Variants in ATG2A observed in about 807,000 individuals in gnomAD.
ATG2A encodes autophagy-related protein 2 homolog A.
A neutral mutation model predicts 214.2 loss-of-function variants in ATG2A; 103 were observed. That is an observed-to-expected ratio of 0.48 (90% CI 0.41 to 0.57). The LOEUF (loss-of-function observed/expected upper bound fraction) is 0.57. ATG2A is among the 20% of genes least tolerant of loss of function. The pLI is 0.00. For missense variants in ATG2A, 2,312 were observed against 2,613.2 expected (o/e 0.88, Z 2.51); for synonymous variants, 1,160 against 1,142.1 (o/e 1.02, Z -0.32).
At position 64,913,461 on chromosome 11, in the gene ATG2A, A is replaced by G; in HGVS notation, c.591-60T>C. 6.7e-7 allele frequency: 1 copy of G among 1,496,768 alleles called. No homozygotes were observed. The highest frequency in any genetic ancestry group is 1.4e-5 in the African/African-American group (1 of 72,168). 92.7% of individuals were successfully genotyped at this position (1,496,768 alleles called of 1,614,324 possible). A position where few individuals can be genotyped will look rare whatever the true frequency, so the allele number is the denominator to read the frequency against. Reference sequence around the variant, plus strand: ...CCCCAGGCCTGGAGCCCCTCTCTCCACACAGTGCTCTGCTCTAGGGGCACG... The same window carrying G: ...CCCCAGGCCTGGAGCCCCTCTCTCCGCACAGTGCTCTGCTCTAGGGGCACG... On this transcript the variant is annotated intron_variant, in intron 4 of 40. Transcript: ENST00000377264. This position sits in a 1 kb window ranked among gnomAD's most constrained non-coding sequence, Gnocchi z 4.3.
At chr11:64,916,875 T>C in intron 1 of ATG2A, 90 bp downstream of exon 1, 1 of 1,544,774 alleles carries the variant, frequency 6.5e-7, no homozygotes. Flanking sequence ...GCCCGGTGCC[T>C]GATCCCCCAG....
chr11:64,905,471 C>T lies in ATG2A; in HGVS notation c.3464+92G>A. On this transcript the variant is annotated intron_variant, in intron 24 of 40. Transcript: ENST00000377264. ...AGAATGAGACTATCACCCGGGTGTA[C>T]ATTAAGACCGAGAGCACCAGAGGAC... 8 of 1,311,348 alleles carry T rather than the reference C, an allele frequency of 6.1e-6. No homozygotes were observed. In the South Asian group the frequency reaches 1.0e-4, roughly 17 times the overall value. 81.2% of individuals were successfully genotyped at this position (1,311,348 alleles called of 1,614,324 possible). A position where few individuals can be genotyped will look rare whatever the true frequency, so the allele number is the denominator to read the frequency against.
rs201816058 is a variant in ATG2A at position 64,897,822 on chromosome 11, G to A, written c.4994+17C>T. 31 of 1,612,504 alleles carry A rather than the reference G, an allele frequency of 1.9e-5. 1 individual carries two copies. Among genetic ancestry groups the A allele is most frequent in the African/African-American group, 1.1e-4 (8 of 75,056 alleles). Reference sequence around the variant, plus strand: ...CAATCTGGCCCAGGGCCCCCCACCCGCAGTCCAGCAGCCTACCTGAAGTAG... The same window carrying A: ...CAATCTGGCCCAGGGCCCCCCACCCACAGTCCAGCAGCCTACCTGAAGTAG... On this transcript the variant is annotated intron_variant, in intron 35 of 40. Transcript: ENST00000377264.
At position 64,913,811 on chromosome 11, in the gene ATG2A, C is replaced by T. The variant is rs1228145427; in HGVS notation, c.590+10G>A. 1.2e-6 allele frequency: 2 copies of T among 1,612,086 alleles called. No individual in the cohort carries two copies. Among genetic ancestry groups the T allele is most frequent in the Non-Finnish European group, 1.7e-6 (2 of 1,179,782 alleles). On this transcript the variant is annotated intron_variant, in intron 4 of 40. Transcript: ENST00000377264. This position sits in a 1 kb window ranked among gnomAD's most constrained non-coding sequence, Gnocchi z 4.3. ...TCACACCAGTCCACCCCAGATCGGCCTGCCCTTACCTCTGCACACGGACCT... is the reference window on the plus strand; with the variant it reads ...TCACACCAGTCCACCCCAGATCGGCTTGCCCTTACCTCTGCACACGGACCT...
In ATG2A at chr11:64,895,531, C is replaced by T. The variant is rs750676643; in HGVS notation, c.5428-89G>A. On this transcript the variant is annotated intron_variant, in intron 39 of 40. Coordinates refer to ENST00000377264, the MANE Select transcript of ATG2A (RefSeq NM_015104.3). This position sits in a 1 kb window ranked among gnomAD's most constrained non-coding sequence, Gnocchi z 5.0. ...CAGGACAGTCTGAGACCCCACCAGC[C>T]CTCAGCCTCCCTGCCTGTCACTGTG... 650 of 1,373,852 alleles carry T rather than the reference C, an allele frequency of 4.7e-4. 1 individual carries two copies. Among genetic ancestry groups the T allele is most frequent in the Admixed American group, 1.3e-3 (48 of 35,690 alleles). The allele number at this position is 1,373,852 out of a possible 1,614,324, so 85.1% of individuals were successfully genotyped here. A position where few individuals can be genotyped will look rare whatever the true frequency, so the allele number is the denominator to read the frequency against.
chr11:64,896,986 C>A, intron 37 of ATG2A, 117 bp from the exon 38 acceptor site: 1 of 1,403,294 alleles, frequency 7.1e-7, no homozygotes, highest in South Asian at 1.4e-5. Flanking sequence ...TCTACCCTCC[C>A]TGTGGTCCCA....
chr11:64,908,527 C>T (rs764408602), intron 16 of ATG2A, among the ~76,000 whole-genome samples: 1 of 151,366 alleles, frequency 6.6e-6, no homozygotes, highest in Non-Finnish European at 1.5e-5. Flanking sequence ...ACTCCAGCCT[C>T]GGCGACACAG....
rs764367652 is a variant in ATG2A at position 64,900,968 on chromosome 11, G to A, written c.4244C>T (p.Pro1415Leu). The change falls in exon 30 of 41, where the codon CCC becomes CTC. Residue 1415 changes from proline to leucine, a missense_variant. Pro to Leu is a moderately conservative substitution (Grantham distance 98). Coordinates refer to ENST00000377264, the MANE Select transcript of ATG2A (RefSeq NM_015104.3). ...CTCACGTAGCACCACCCGAGTGCTG[G>A]GCACTGGGAAATGGGCAGGTGCCCG... is the stretch of plus-strand genomic sequence containing the variant. ...LLRAPAHFPV[P>L]STRVVLREVS... The A allele has an allele frequency of 1.3e-6, 2 of 1,585,786 alleles. No homozygotes were observed. The highest frequency in any genetic ancestry group is 1.8e-5 in the Admixed American group (1 of 56,568).
chr11:64,906,791 C>T lies in ATG2A; in HGVS notation c.2857G>A (p.Ala953Thr). 1 of 1,613,274 alleles carries T rather than the reference C, an allele frequency of 6.2e-7. No individual in the cohort carries two copies. The highest frequency in any genetic ancestry group is 8.5e-7 in the Non-Finnish European group (1 of 1,179,914). The change falls in exon 20 of 41, where the codon GCT becomes ACT. Residue 953 changes from alanine to threonine, a missense_variant. Coordinates refer to ENST00000377264, the MANE Select transcript of ATG2A (RefSeq NM_015104.3). Reference protein sequence around the residue: ...TKDEGGKRLEAVHGELVLDME... With the variant: ...TKDEGGKRLETVHGELVLDME... ...TCCAGCACCAGCTCCCCGTGCACAG[C>T]CTCCAGCCGCTTCCCACCCTCATCC...
At position 64,903,348 on chromosome 11, in the gene ATG2A, C is replaced by G. The variant is rs1205554144; in HGVS notation, c.3552G>C (p.Leu1184Phe). 1 of 1,614,136 alleles carries G rather than the reference C, an allele frequency of 6.2e-7. No homozygotes were observed. Residue 1184 changes from leucine to phenylalanine, a missense_variant, in exon 26 of 41, where the codon TTG (leucine) becomes TTC (phenylalanine). Transcript: ENST00000377264. This position sits in a 1 kb window ranked among gnomAD's most constrained non-coding sequence, Gnocchi z 4.2. ...LDLRRDYVCVLDVDLLELVIK... is the reference protein window; with the variant it reads ...LDLRRDYVCVFDVDLLELVIK... ...TCACAAGTTCCAAGAGGTCAACATCCAAAACACAGACATAATCTGCAGCAG... is the reference window on the plus strand; with the variant it reads ...TCACAAGTTCCAAGAGGTCAACATCGAAAACACAGACATAATCTGCAGCAG...
chr11:64,906,059 A>G, intron 22 of ATG2A, 54 bp downstream of exon 22: 1 of 1,535,206 alleles, frequency 6.5e-7, no homozygotes, highest in Non-Finnish European at 8.8e-7. Context: ...CTGCTTGCCC[A>G]AAACAGAAGT....
In ATG2A at chr11:64,907,453, C is replaced by T. The variant is rs770947890; in HGVS notation, c.2648-14G>A. ...CAAAGCAGTTGGCTGGGAAGGAGAC[C>T]GCGAAGGGCTAGCCTGGCCCTTCCC... On this transcript the variant is annotated splice_polypyrimidine_tract_variant and intron_variant, in intron 18 of 40. Coordinates refer to ENST00000377264, the MANE Select transcript of ATG2A (RefSeq NM_015104.3). 2.6e-5 allele frequency: 42 copies of T among 1,603,928 alleles called. No individual in the cohort carries two copies. Among genetic ancestry groups the T allele is most frequent in the Admixed American group, 6.8e-5 (4 of 58,584 alleles).
In ATG2A at chr11:64,902,324, C is replaced by A; in HGVS notation, c.3840G>T (p.Gln1280His). 1 of 1,610,730 alleles carries A rather than the reference C, an allele frequency of 6.2e-7. No homozygotes were observed. The highest frequency in any genetic ancestry group is 2.2e-5 in the East Asian group (1 of 44,814). The change falls in exon 28 of 41, where the codon CAG (glutamine) becomes CAT (histidine). Residue 1280 changes from glutamine to histidine, a missense_variant. Coordinates refer to ENST00000377264, the MANE Select transcript of ATG2A (RefSeq NM_015104.3). ...CPPVETALIN[Q>H]RDLADALLDT... ...CCAGGAGGGCGTCGGCCAGGTCACG[C>A]TGGTTGATGAGGGCCGTCTCCACTG...
In ATG2A at chr11:64,894,597, C is replaced by T. The variant is rs1460728571; in HGVS notation, c.*376G>A. The T allele has an allele frequency of 3.9e-6, 2 of 509,516 alleles. No homozygotes were observed. The highest frequency in any genetic ancestry group is 1.5e-5 in the South Asian group (1 of 65,030). The allele number at this position is 509,516 out of a possible 1,614,324, so 31.6% of individuals were successfully genotyped here. On this transcript the variant is annotated 3_prime_UTR_variant, in exon 41 of 41. Transcript: ENST00000377264. Reference sequence around the variant, plus strand: ...ATGCAGACACTGACCCACGCACTCACGGAGCTTAAAAATAATACATCGAAC... The same window carrying T: ...ATGCAGACACTGACCCACGCACTCATGGAGCTTAAAAATAATACATCGAAC...
At chr11:64,908,876 GC>G in intron 16 of ATG2A, 114 bp downstream of exon 16, 1 of 1,211,314 alleles carries the variant, frequency 8.3e-7, no homozygotes, top group Non-Finnish European at 1.1e-6. Context: ...GTCAGCTCAT[GC>G]CCACCCCAGG....
In ATG2A at chr11:64,905,804, G is replaced by A. The variant is rs767983263; in HGVS notation, c.3309C>T (p.Tyr1103=). The change falls in exon 23 of 41, where the codon TAC becomes TAT. Residue 1103 remains tyrosine, a synonymous_variant. Coordinates refer to ENST00000377264, the MANE Select transcript of ATG2A (RefSeq NM_015104.3). ...LDVLDDPVLG[Y]LPPTVITILH... is the part of the protein sequence containing the mutation. The stretch of plus-strand genomic sequence containing the variant: ...GGATGGTGATGACCGTCGGGGGCAG[G>A]TAGCCCAGCACAGGGTCATCCAGCA... 6.8e-6 allele frequency: 11 copies of A among 1,613,772 alleles called. No homozygotes were observed. The highest frequency in any genetic ancestry group is 8.5e-6 in the Non-Finnish European group (10 of 1,180,012).
At position 64,895,100 on chromosome 11, in the gene ATG2A, A is replaced by T; in HGVS notation, c.5690T>A (p.Val1897Glu). ...GGVIRQLPPT[V>E]VKPLILATEA... The stretch of plus-strand genomic sequence containing the variant: ...CGTGGCCAGGATGAGCGGCTTCACC[A>T]CAGTCGGGGGCAGCTGGCGGATCAC... Residue 1897 changes from valine (V) to glutamate (E), a missense_variant, in exon 41 of 41, where the codon GTG (valine) becomes GAG (glutamate). Physicochemically the swap from Val to Glu is moderately radical, Grantham distance 121. Transcript: ENST00000377264. This position sits in a 1 kb window ranked among gnomAD's most constrained non-coding sequence, Gnocchi z 5.0. 6.2e-7 allele frequency: 1 copy of T among 1,613,006 alleles called. No homozygotes were observed. Among genetic ancestry groups the T allele is most frequent in the Non-Finnish European group, 8.5e-7 (1 of 1,179,782 alleles).
rs987451656 is a variant in ATG2A at position 64,911,061 on chromosome 11, C to T, written c.1443G>A (p.Arg481=). Residue 481 remains arginine (R), a synonymous_variant, in exon 10 of 41, where the codon AGG becomes AGA. Transcript: ENST00000377264. The part of the protein sequence containing the change: ...DFHHLRPRFQ[R]ACPCSHVRLT... ...ACCGAACATGGCTACAGGGACAGGCCCTCTGGAAGCGTGGTCGAAGGTGAT... is the reference window on the plus strand; with the variant it reads ...ACCGAACATGGCTACAGGGACAGGCTCTCTGGAAGCGTGGTCGAAGGTGAT... The T allele has an allele frequency of 4.3e-6, 7 of 1,613,912 alleles. No homozygotes were observed. The highest frequency in any genetic ancestry group is 5.1e-6 in the Non-Finnish European group (6 of 1,180,046).
Position 64,917,020 on chromosome 11 carries a change from C to T in ATG2A, c.116G>A (p.Ser39Asn), listed in dbSNP as rs369333957. 1 of 1,613,860 alleles carries T rather than the reference C, an allele frequency of 6.2e-7. No homozygotes were observed. ...FQEHLSLDQLSLDLYKGSVAL... is the reference protein window; with the variant it reads ...FQEHLSLDQLNLDLYKGSVAL... The stretch of plus-strand genomic sequence containing the variant: ...AACGCTGCCCTTGTACAGATCGAGG[C>T]TGAGCTGGTCCAGGCTGAGGTGCTC... Residue 39 changes from serine (S) to asparagine (N), a missense_variant, in exon 1 of 41, where the codon AGC (serine) becomes AAC (asparagine). Coordinates refer to ENST00000377264, the MANE Select transcript of ATG2A (RefSeq NM_015104.3).
Sources: gnomAD v4.1 joint callset for allele counts (sites outside exome capture counted in the v4.1 genomes callset) on GRCh38, gnomAD v4.1.1 for gene constraint, Gnocchi (gnomAD v3.1) non-coding constraint, MANE v1.5 for transcripts, NCBI Gene and HGNC (gene_info 2026-07-23, HGNC 2026-07-21) for gene names.